STYX: variants seen among roughly 807,000 people sequenced by gnomAD.
STYX encodes serine/threonine/tyrosine interacting protein.
A neutral mutation model predicts 42.7 loss-of-function variants in STYX; 20 were observed. The observed-to-expected ratio is 0.47, with a 90% CI of 0.33 to 0.68. The LOEUF (loss-of-function observed/expected upper bound fraction) is 0.68, where lower values mean the gene tolerates loss of function less well. Ranked by LOEUF, STYX falls within the 30% of genes least tolerant of loss-of-function variation. STYX has a pLI of 0.02. For missense variants in STYX, 226 were observed against 268.5 expected, an observed-to-expected ratio of 0.84 and a Z score of 1.11; for synonymous variants, 78 against 81.9, an observed-to-expected ratio of 0.95 and a Z score of 0.26.
At chr14:52,754,015 G>C (rs1009573907) in intron 4 of STYX, among the ~76,000 whole-genome samples, 1 of 144,022 alleles carries the variant, frequency 6.9e-6, no homozygotes, top group Admixed American at 7.5e-5. Context: ...TCAGCCTCCT[G>C]AGTAGCAGAG....
intron 1 of STYX, among the ~76,000 whole-genome samples, chr14:52,731,205 T>G (rs1350167286): frequency 6.6e-6 from 1 of 152,212 alleles, no homozygotes; most frequent in Non-Finnish European, 1.5e-5. Flanking sequence ...CATCTGTTGC[T>G]AGTTTAACAT....
intron 4 of STYX, among the ~76,000 whole-genome samples, chr14:52,751,777 A>G (rs924358324): frequency 5.1e-4 from 77 of 152,344 alleles, no homozygotes; most frequent in East Asian, 7.7e-4. Context: ...ATATAATGAA[A>G]GTAACTCTAC....
Position 52,771,149 on chromosome 14 carries a change from GGAGAAAATACAA to G in STYX, c.*52_*63del, listed in dbSNP as rs777347101. 6.5e-7 allele frequency: 1 copy of G among 1,526,800 alleles called. No homozygotes were observed. Among genetic ancestry groups the G allele is most frequent in the Admixed American group, 1.9e-5 (1 of 52,610 alleles). 94.6% of individuals were successfully genotyped at this position (1,526,800 alleles called of 1,614,324 possible). ...TAGAGTGTGAATTTCTATTTGGGAAGGAGAAAATACAAGAGAAAATTATAATGTAAAATGGTA... is the reference window on the plus strand; with the variant it reads ...TAGAGTGTGAATTTCTATTTGGGAAGGAGAAAATTATAATGTAAAATGGTA... On this transcript the variant is annotated 3_prime_UTR_variant, in exon 11 of 11. Transcript: ENST00000354586.
chr14:52,740,872 A>G (rs1235837427), intron 1 of STYX, among the ~76,000 whole-genome samples: 1 of 152,264 alleles, frequency 6.6e-6, no homozygotes, highest in Non-Finnish European at 1.5e-5. Context: ...AGAACATTCT[A>G]TTAGCATAGA....
chr14:52,732,918 G>C (rs1447640800), intron 1 of STYX, among the ~76,000 whole-genome samples: 1 of 152,124 alleles, frequency 6.6e-6, no homozygotes, highest in African/African-American at 2.4e-5. Flanking sequence ...TGATCCGCCT[G>C]CCTCGGCCTC....
chr14:52,769,863 T>C (rs1211366422), intron 10 of STYX, among the ~76,000 whole-genome samples: 15 of 152,116 alleles, frequency 9.9e-5, no homozygotes, highest in Admixed American at 9.8e-4. Context: ...AATATTGATA[T>C]TTTTCCTTTG....
At chr14:52,763,452 C>A (rs1248896833) in intron 9 of STYX, among the ~76,000 whole-genome samples, 1 of 151,970 alleles carries the variant, frequency 6.6e-6, no homozygotes, top group Non-Finnish European at 1.5e-5. Flanking sequence ...AACTTGGTTT[C>A]TTTTTATTCT....
chr14:52,760,537 G>A (rs1882051939), intron 9 of STYX, among the ~76,000 whole-genome samples: 1 of 152,194 alleles, frequency 6.6e-6, no homozygotes. Flanking sequence ...GCTGCAGAAT[G>A]TGCTCTGGCT....
intron 4 of STYX, 66 bp from the exon 5 acceptor site, chr14:52,756,485 T>C: frequency 1.1e-6 from 1 of 934,406 alleles, no homozygotes; most frequent in Non-Finnish European, 1.7e-6. Flanking sequence ...AATAATGAGT[T>C]ATTTTTTTAA....
chr14:52,756,652 T>C (rs1296934052), intron 5 of STYX, 41 bp downstream of exon 5: 4 of 974,854 alleles, frequency 4.1e-6, no homozygotes, highest in Non-Finnish European at 6.1e-6. Context: ...AAAATTTATT[T>C]ATGATTTGAC....
intron 1 of STYX, among the ~76,000 whole-genome samples, chr14:52,731,272 G>A (rs1265068480): frequency 6.6e-6 from 1 of 151,912 alleles, no homozygotes; most frequent in African/African-American, 2.4e-5. Flanking sequence ...TTAACAAGAC[G>A]AAGATACTCA....
At chr14:52,746,105 A>G (rs539845915) in intron 2 of STYX, among the ~76,000 whole-genome samples, 44 of 152,264 alleles carry the variant, frequency 2.9e-4, no homozygotes, top group African/African-American at 9.4e-4. Flanking sequence ...TTTTTATGTT[A>G]CAGTAATAAT....
At chr14:52,748,165 C>A (rs1881466241) in intron 3 of STYX, among the ~76,000 whole-genome samples, 1 of 152,094 alleles carries the variant, frequency 6.6e-6, no homozygotes, top group African/African-American at 2.4e-5. Context: ...AAAACAACAA[C>A]AAAAAATAAT....
At chr14:52,765,253 C>T (rs754942178) in intron 9 of STYX, among the ~76,000 whole-genome samples, 4 of 151,848 alleles carry the variant, frequency 2.6e-5, no homozygotes, top group Non-Finnish European at 1.5e-5. Flanking sequence ...CTCACTCTGT[C>T]GCCCAGGCTG....
At chr14:52,752,487 G>T (rs1881659122) in intron 4 of STYX, among the ~76,000 whole-genome samples, 1 of 151,696 alleles carries the variant, frequency 6.6e-6, no homozygotes, top group African/African-American at 2.4e-5. Context: ...AAAATTTAAT[G>T]CTCTGCTTTA....
rs537656982 is a variant in STYX at position 52,741,210 on chromosome 14, T to TTATA, written c.58-3624_58-3621dup. Among the ~76,000 whole-genome samples the TTATA allele has an allele frequency of 4.1e-4, 59 of 143,686 alleles. 2 individuals carry two copies. The highest frequency in any genetic ancestry group is 3.0e-3 in the East Asian group (15 of 5,038). 94.3% of individuals were successfully genotyped at this position (143,686 alleles called of 152,430 possible). A position where few individuals can be genotyped will look rare whatever the true frequency, so the allele number is the denominator to read the frequency against. ...TAAGTCTTTGTGTGGATATATGTTT[T>TTATA]TATATATATATATATATATATTTTT... On this transcript the variant is annotated intron_variant, in intron 1 of 10. Transcript: ENST00000354586.
At chr14:52,737,775 T>C (rs1881013546) in intron 1 of STYX, among the ~76,000 whole-genome samples, 1 of 152,122 alleles carries the variant, frequency 6.6e-6, no homozygotes, top group Non-Finnish European at 1.5e-5. Context: ...GTTAGTAAGA[T>C]CCATAGACAG....
At chr14:52,738,361 A>C (rs987189576) in intron 1 of STYX, among the ~76,000 whole-genome samples, 15 of 152,208 alleles carry the variant, frequency 9.9e-5, no homozygotes, top group Admixed American at 6.5e-5. Context: ...ATATATATAT[A>C]TCTCAAGAGA....
At position 52,774,441 on chromosome 14, in the gene STYX, A is replaced by G. The variant is rs983806222; in HGVS notation, c.*3335A>G. ...TAACTGATTTAATCCATAATCCCAT[A>G]ACAAACATAGCTTCACCTCAGTATT... On this transcript the variant is annotated 3_prime_UTR_variant, in exon 11 of 11. Transcript: ENST00000354586. 6.6e-6 allele frequency: 1 copy of G among 152,056 alleles called. No individual in the cohort carries two copies. Among genetic ancestry groups the G allele is most frequent in the African/African-American group, 2.4e-5 (1 of 41,426 alleles). 9.4% of individuals were successfully genotyped at this position (152,056 alleles called of 1,614,324 possible). A position where few individuals can be genotyped will look rare whatever the true frequency, so the allele number is the denominator to read the frequency against.
Sources: allele counts gnomAD v4.1 joint callset (sites outside exome capture counted in the v4.1 genomes callset), GRCh38; gene constraint gnomAD v4.1.1; transcripts MANE v1.5; gene names NCBI Gene and HGNC (gene_info 2026-07-23, HGNC 2026-07-21).